The following TBX20 variants were observed in gnomAD, a reference collection of about 807,000 sequenced individuals.
The protein encoded by TBX20 is T-box transcription factor 20, also known as T-box transcription factor TBX20.
In TBX20, 8 loss-of-function variants were observed where a neutral mutation model predicts 42.9. The observed-to-expected ratio is 0.19, with a 90% CI of 0.11 to 0.34. TBX20 has a LOEUF of 0.34. TBX20 is among the 10% of genes least tolerant of loss of function. The pLI, the probability that TBX20 is intolerant of heterozygous loss-of-function variation, is 1.00. For synonymous variants in TBX20, 198 were observed against 222.8 expected (o/e 0.89, Z 0.99); for missense variants, 411 against 566.0 (o/e 0.73, Z 2.78).
chr7:35,241,938 C>T (rs1449494806), intron 4 of TBX20, among the ~76,000 whole-genome samples: 2 of 152,168 alleles, frequency 1.3e-5, no homozygotes, highest in African/African-American at 4.8e-5. Context: ...ACCCAGACAG[C>T]TATCTAAGTC....
chr7:35,250,662 C>T (rs1302393212), intron 1 of TBX20, among the ~76,000 whole-genome samples: 3 of 152,150 alleles, frequency 2.0e-5, no homozygotes, highest in Admixed American at 2.0e-4. Context: ...ACCTTCCTCA[C>T]CTGGAGAGGA....
At chr7:35,231,313 A>G (rs1288307478) in intron 6 of TBX20, among the ~76,000 whole-genome samples, 191 bp downstream of exon 6, 2 of 152,206 alleles carry the variant, frequency 1.3e-5, no homozygotes, top group Non-Finnish European at 2.9e-5. Context: ...GAAATTAAGC[A>G]TATAATAGAT....
At chr7:35,204,754 T>A (rs369602755) in intron 6 of TBX20, among the ~76,000 whole-genome samples, 172 bp from the exon 7 acceptor site, 1 of 152,170 alleles carries the variant, frequency 6.6e-6, no homozygotes, top group African/African-American at 2.4e-5. Flanking sequence ...GTACAGTGAC[T>A]CCTCAGAGAC....
intron 1 of TBX20, among the ~76,000 whole-genome samples, chr7:35,251,713 C>T (rs1223553279): frequency 1.3e-5 from 2 of 152,276 alleles, no homozygotes; most frequent in South Asian, 2.1e-4. Flanking sequence ...TTTAAATAGA[C>T]TTTGTATGTT....
Position 35,253,707 on chromosome 7 carries a change from G to T in TBX20, c.-87C>A. 6.5e-7 allele frequency: 1 copy of T among 1,542,320 alleles called. No individual in the cohort carries two copies. The highest frequency in any genetic ancestry group is 1.2e-5 in the South Asian group (1 of 83,296). On this transcript the variant is annotated 5_prime_UTR_variant, in exon 1 of 8. The change creates a new upstream start codon in the 5' untranslated region. Transcript: ENST00000408931. ...AAGGGAGACAAAGACCCGAAACACA[G>T]CTCAAAGTTTCCGAGAGCAGTCACA...
rs555713601 is a variant in TBX20, at chr7:35,245,358, A to G, written c.546-301T>C. ...TGTGTGTGTGTGTGTGTTTTCATCT[A>G]TCTAGTCAACTACTGGTCTGCTTCG... On this transcript the variant is annotated intron_variant, in intron 3 of 7. Transcript: ENST00000408931. Among the ~76,000 whole-genome samples, 57 of 77,604 alleles carry G rather than the reference A, an allele frequency of 7.3e-4. No individual in the cohort carries two copies. The South Asian group carries it at 0.01, about 14-fold the overall frequency. 50.9% of individuals were successfully genotyped at this position (77,604 alleles called of 152,430 possible). A position where few individuals can be genotyped will look rare whatever the true frequency, so the allele number is the denominator to read the frequency against.
In TBX20 at chr7:35,207,177, G is replaced by A. The variant is rs190306510; in HGVS notation, c.891-2595C>T. Among the ~76,000 whole-genome samples, 4 of 152,328 alleles carry A rather than the reference G, an allele frequency of 2.6e-5. No individual in the cohort carries two copies. In the East Asian group the frequency reaches 5.8e-4, roughly 22 times the overall value. ...GTCCTCTATACTCTCACTGATGCCT[G>A]ATATGGTCAATGTTTAATTTTAGCT... On this transcript the variant is annotated intron_variant, in intron 6 of 7. Coordinates refer to ENST00000408931, the MANE Select transcript of TBX20 (RefSeq NM_001077653.2).
chr7:35,202,577 T>A lies in TBX20; in HGVS notation c.1197A>T (p.Pro399=). 1 of 1,614,098 alleles carries A rather than the reference T, an allele frequency of 6.2e-7. No homozygotes were observed. The highest frequency in any genetic ancestry group is 8.5e-7 in the Non-Finnish European group (1 of 1,179,994). The part of the protein sequence containing the change: ...PYSRLGMPLT[P]SAIASSMQGS... ...CTTGCATGGAGCTGGCAATGGCCGA[T>A]GGTGTCAGAGGCATTCCCAGTCGGC... The change falls in exon 8 of 8, where the codon CCA becomes CCT. Residue 399 remains proline, a synonymous_variant. Transcript: ENST00000408931.
chr7:35,244,212 A>C (rs1435904548), intron 4 of TBX20, among the ~76,000 whole-genome samples: 1 of 152,222 alleles, frequency 6.6e-6, no homozygotes, highest in African/African-American at 2.4e-5. Context: ...AACAGCATGA[A>C]GTAACATCCC....
chr7:35,249,937 C>T lies in TBX20; in HGVS notation c.380+14G>A. 9 of 1,594,454 alleles carry T rather than the reference C, an allele frequency of 5.6e-6. No individual in the cohort carries two copies. Among genetic ancestry groups the T allele is most frequent in the Non-Finnish European group, 7.7e-6 (9 of 1,168,838 alleles). On this transcript the variant is annotated intron_variant, in intron 2 of 7. Coordinates refer to ENST00000408931, the MANE Select transcript of TBX20 (RefSeq NM_001077653.2). This position sits in a 1 kb window ranked among gnomAD's most constrained non-coding sequence, Gnocchi z 4.3. ...CTCTCCACCCCCAACCCCCAACCCC[C>T]AAGTCCCAACTACCTGCCCGACTTG...
intron 1 of TBX20, among the ~76,000 whole-genome samples, chr7:35,251,064 A>T (rs1203195780): frequency 6.6e-6 from 1 of 152,190 alleles, no homozygotes; most frequent in Non-Finnish European, 1.5e-5. Context: ...ATCCACCACC[A>T]GGTTGGAATA....
Position 35,253,663 on chromosome 7 carries a change from AC to A in TBX20, c.-44del, listed in dbSNP as rs780029030. 15 of 1,599,028 alleles carry A rather than the reference AC, an allele frequency of 9.4e-6. No homozygotes were observed. The highest frequency in any genetic ancestry group is 3.4e-5 in the Admixed American group (2 of 58,816). On this transcript the variant is annotated 5_prime_UTR_variant, in exon 1 of 8. Transcript: ENST00000408931. ...CCTGGCCAGGGACGGGGTCGTCCGA[AC>A]TGCCGTCCAGATTCCCCAAGGGAGA...
intron 3 of TBX20, among the ~76,000 whole-genome samples, chr7:35,245,736 T>C (rs1389010997): frequency 3.3e-5 from 5 of 152,208 alleles, no homozygotes; most frequent in Admixed American, 1.3e-4. Flanking sequence ...CTTCACATTA[T>C]TCAATTTATT....
intron 5 of TBX20, among the ~76,000 whole-genome samples, chr7:35,238,881 C>T (rs1050471580): frequency 1.3e-4 from 18 of 133,972 alleles, no homozygotes; most frequent in Non-Finnish European, 2.5e-4. Flanking sequence ...CTCATTAATA[C>T]ACCACTAAAA....
At chr7:35,237,718 A>G (rs1485363359) in intron 5 of TBX20, among the ~76,000 whole-genome samples, 1 of 152,216 alleles carries the variant, frequency 6.6e-6, no homozygotes, top group Non-Finnish European at 1.5e-5. Context: ...AAAATCAAGT[A>G]GAAAAACAAG....
Position 35,248,689 on chromosome 7 carries a change from G to A in TBX20, c.533C>T (p.Pro178Leu), listed in dbSNP as rs760169368. The change falls in exon 3 of 8, where the codon CCG (proline) becomes CTG (leucine). Residue 178 changes from proline to leucine, a missense_variant. Pro to Leu is a moderately conservative substitution (Grantham distance 98). Transcript: ENST00000408931. ...SWLVAGKADP[P>L]LPARLYVHPD... ...TGGAGGCACGAACCTGGCTGGCAAC[G>A]GCGGGTCGGCCTTGCCAGCCACCAG... 8.1e-6 allele frequency: 13 copies of A among 1,611,866 alleles called. No homozygotes were observed. The highest frequency in any genetic ancestry group is 2.2e-5 in the East Asian group (1 of 44,870).
intron 6 of TBX20, among the ~76,000 whole-genome samples, chr7:35,206,084 A>G (rs1307204410): frequency 6.6e-6 from 1 of 152,250 alleles, no homozygotes; most frequent in Non-Finnish European, 1.5e-5. Flanking sequence ...AGTTTCCAGA[A>G]CAAGAAACTG....
At position 35,228,095 on chromosome 7, in the gene TBX20, T is replaced by TA. The variant is rs70981903; in HGVS notation, c.890+3408dup. 1.6e-3 allele frequency among the ~76,000 whole-genome samples: 245 copies of TA among 150,288 alleles called. 5 individuals are homozygous for TA. The East Asian group carries it at 0.034, about 21-fold the overall frequency. On this transcript the variant is annotated intron_variant, in intron 6 of 7. Transcript: ENST00000408931. The stretch of plus-strand genomic sequence containing the variant: ...TAAACAATTAAAAATAATACTATGA[T>TA]AAAAAAAAAAACATCCTTTGACTCA...
At chr7:35,225,926 A>T (rs1789761657) in intron 6 of TBX20, among the ~76,000 whole-genome samples, 2 of 152,222 alleles carry the variant, frequency 1.3e-5, no homozygotes, top group Non-Finnish European at 2.9e-5. Flanking sequence ...TTACAACCAT[A>T]TGATACTGGC....
Sources: gnomAD v4.1 joint callset for allele counts (sites outside exome capture counted in the v4.1 genomes callset) on GRCh38, gnomAD v4.1.1 for gene constraint, Gnocchi (gnomAD v3.1) non-coding constraint, MANE v1.5 for transcripts, NCBI Gene and HGNC (gene_info 2026-07-23, HGNC 2026-07-21) for gene names.